The following RYR1 variants were observed in gnomAD, a reference collection of about 807,000 sequenced individuals.
RYR1 encodes central core disease of muscle.
Under a neutral mutation model 583.5 loss-of-function variants are expected in RYR1, and 342 were observed. The observed-to-expected ratio is 0.59, with a 90% CI of 0.54 to 0.64. RYR1 has a LOEUF of 0.64. Among genes scored for constraint, RYR1 ranks in the 30% least tolerant of loss-of-function variants. RYR1 has a pLI of 0.00. For missense variants in RYR1, 6,032 were observed against 6,917.2 expected (o/e 0.87, Z 4.54); for synonymous variants, 2,791 against 2,822.5 (o/e 0.99, Z 0.35).
At chr19:38,482,888 T>G (rs1284707650) in intron 31 of RYR1, 139 bp from the exon 32 acceptor site, 13 of 765,902 alleles carry the variant, frequency 1.7e-5, no homozygotes. Context: ...TGGGACAGTC[T>G]AAGGGTGACC....
At chr19:38,433,997 G>T in intron 1 of RYR1, 123 bp downstream of exon 1, 1 of 834,098 alleles carries the variant, frequency 1.2e-6, no homozygotes. Flanking sequence ...CTCTTCCTAT[G>T]TCACTTTGAG....
chr19:38,483,589 C>T lies in RYR1; in HGVS notation c.4934+73C>T. 3 of 1,340,354 alleles carry T rather than the reference C, an allele frequency of 2.2e-6. No individual in the cohort carries two copies. The highest frequency in any genetic ancestry group is 1.4e-5 in the African/African-American group (1 of 69,264). The allele number at this position is 1,340,354 out of a possible 1,614,324, so 83.0% of individuals were successfully genotyped here. Reference sequence around the variant, plus strand: ...TCTGGGGTCTGGGTCCCACTCAGTGCCCCTCCTCAACACAACCCCGGGATT... The same window carrying T: ...TCTGGGGTCTGGGTCCCACTCAGTGTCCCTCCTCAACACAACCCCGGGATT... On this transcript the variant is annotated intron_variant, in intron 33 of 105. Transcript: ENST00000359596. This position sits in a 1 kb window ranked among gnomAD's most constrained non-coding sequence, Gnocchi z 6.3.
intron 101 of RYR1, among the ~76,000 whole-genome samples, chr19:38,580,714 G>T (rs748765200): frequency 2.6e-5 from 4 of 152,014 alleles, no homozygotes; most frequent in Non-Finnish European, 4.4e-5. Flanking sequence ...AAATTTAAAC[G>T]TTAGCTGGGT....
chr19:38,512,483 C>T lies in RYR1; in HGVS notation c.9472C>T (p.Leu3158=), dbSNP rs770942162. ...AQHQFGDDVI[L]DDVQVSCYRT... ...GCACCAGTTCGGAGATGACGTCATC[C>T]GTAAGGGCGCCTGACCCAAGGGCAG... The change falls in exon 63 of 106, where the codon CTG becomes TTG. Residue 3158 remains leucine, a splice_region_variant and synonymous_variant. Coordinates refer to ENST00000359596, the MANE Select transcript of RYR1 (RefSeq NM_000540.3). The surrounding 1 kb of genome is among the most constrained non-coding windows in gnomAD (Gnocchi z 5.1). 113 of 1,609,520 alleles carry T rather than the reference C, an allele frequency of 7.0e-5. No homozygotes were observed. The highest frequency in any genetic ancestry group is 1.6e-4 in the Middle Eastern group (1 of 6,084).
At position 38,463,529 on chromosome 19, in the gene RYR1, T is replaced by G; in HGVS notation, c.2682+2T>G. The G allele has an allele frequency of 6.2e-7, 1 of 1,610,714 alleles. No individual in the cohort carries two copies. Among genetic ancestry groups the G allele is most frequent in the African/African-American group, 1.3e-5 (1 of 74,792 alleles). On this transcript the variant is annotated splice_donor_variant, in intron 21 of 105. Transcript: ENST00000359596. LOFTEE classifies it high-confidence loss of function. ...GAGCAGGGCTGGACCTACGGCCCGG[T>G]GAGGGGCTGCCTGCAGCCTGCGGGA...
At chr19:38,494,962 C>T (rs189977980) in intron 39 of RYR1, among the ~76,000 whole-genome samples, 27 of 150,914 alleles carry the variant, frequency 1.8e-4, no homozygotes, top group Non-Finnish European at 1.6e-4. Flanking sequence ...AAGCAATTCT[C>T]CTGTCTCAGC....
intron 12 of RYR1, among the ~76,000 whole-genome samples, chr19:38,452,496 C>T (rs1026936333): frequency 6.6e-6 from 1 of 152,038 alleles, no homozygotes; most frequent in African/African-American, 2.4e-5. Context: ...TACACTTGAC[C>T]CCTAATCTGA....
rs1367333710 is a variant in RYR1, at chr19:38,528,372, G to A, written c.10891G>A (p.Ala3631Thr). 1 of 1,614,084 alleles carries A rather than the reference G, an allele frequency of 6.2e-7. No individual in the cohort carries two copies. The highest frequency in any genetic ancestry group is 8.5e-7 in the Non-Finnish European group (1 of 1,180,002). Reference protein sequence around the residue: ...HKLLSKQRRRAVVACFRMTPL... With the variant: ...HKLLSKQRRRTVVACFRMTPL... ...GCTTTTGTCCAAACAGCGCCGGCGG[G>A]CAGTCGTGGCCTGTTTCCGTATGAC... The change falls in exon 74 of 106, where the codon GCA becomes ACA. Residue 3631 changes from alanine (A) to threonine (T), a missense_variant. Physicochemically the swap from Ala to Thr is moderately conservative, Grantham distance 58. Around this residue, in one of 11 missense-constraint regions of RYR1, gnomAD observed 1,493 missense variants for 1,715.5 expected, o/e 0.87. Coordinates refer to ENST00000359596, the MANE Select transcript of RYR1 (RefSeq NM_000540.3).
At position 38,490,281 on chromosome 19, in the gene RYR1, TCTGACCC is replaced by T. The variant is rs746795674; in HGVS notation, c.6015+11_6015+17del. 7 of 1,613,072 alleles carry T rather than the reference TCTGACCC, an allele frequency of 4.3e-6. No homozygotes were observed. In the African/African-American group the frequency reaches 9.3e-5, roughly 22 times the overall value. ...CGCTCCCCACCCCAGGAACAGGTCA[TCTGACCC>T]CTGACGCTGGCCACTTTTACTGTCT... is the stretch of plus-strand genomic sequence containing the variant. On this transcript the variant is annotated splice_donor_region_variant and intron_variant, in intron 36 of 105. Coordinates refer to ENST00000359596, the MANE Select transcript of RYR1 (RefSeq NM_000540.3).
intron 25 of RYR1, among the ~76,000 whole-genome samples, 162 bp from the exon 26 acceptor site, chr19:38,468,804 G>A (rs1026262375): frequency 1.3e-5 from 2 of 152,184 alleles, no homozygotes; most frequent in African/African-American, 2.4e-5. Flanking sequence ...GCAAATGTGA[G>A]GAAAGATGGA....
At chr19:38,567,567 G>C (rs1973503179) in intron 92 of RYR1, among the ~76,000 whole-genome samples, 1 of 152,132 alleles carries the variant, frequency 6.6e-6, no homozygotes, top group Non-Finnish European at 1.5e-5. Flanking sequence ...GGCTGTCACT[G>C]CCTGGTGTCA....
chr19:38,515,221 A>ACACGGCGGCAGCCGCGGTTCCC, intron 64 of RYR1, 114 bp downstream of exon 64: 2 of 858,134 alleles, frequency 2.3e-6, no homozygotes, highest in South Asian at 1.4e-5. Context: ...ATTTTCCCGC[A>ACACGGCGGCAGCCGCGGTTCCC]CACGGCGGCA....
At chr19:38,504,421 G>A in intron 50 of RYR1, 61 bp downstream of exon 50, 1 of 1,588,964 alleles carries the variant, frequency 6.3e-7, no homozygotes, top group Non-Finnish European at 8.6e-7. Flanking sequence ...CAAAATTGGG[G>A]GTCCAGAGTG....
Position 38,567,934 on chromosome 19 carries a change from G to T in RYR1, c.13659+17G>T. 6.2e-7 allele frequency: 1 copy of T among 1,612,628 alleles called. No homozygotes were observed. The highest frequency in any genetic ancestry group is 8.5e-7 in the Non-Finnish European group (1 of 1,179,786). On this transcript the variant is annotated intron_variant, in intron 93 of 105. Transcript: ENST00000359596. ...AAGTTCCTGGTAAGGATCCAGCCAG[G>T]TCACCTGAACCTTCTTCTCCCCGGG... is the stretch of plus-strand genomic sequence containing the variant.
intron 63 of RYR1, among the ~76,000 whole-genome samples, chr19:38,514,303 C>T (rs1267040006): frequency 2.8e-5 from 4 of 140,690 alleles, no homozygotes; most frequent in African/African-American, 1.1e-4. Context: ...TTTTTTGAGA[C>T]AGAGTCTCGG....
chr19:38,460,581 A>G lies in RYR1; in HGVS notation c.2567A>G (p.Asp856Gly). The change falls in exon 20 of 106, where the codon GAC (aspartate) becomes GGC (glycine). Residue 856 changes from aspartate to glycine, a missense_variant. By Grantham distance (94) the Asp-to-Gly change is moderately conservative. Coordinates refer to ENST00000359596, the MANE Select transcript of RYR1 (RefSeq NM_000540.3). ...ACCGACTTCGTGCCCTGCCCTGTGG[A>G]CACTGTCCAGGTACTGCCTGCCCTG... Reference protein sequence around the residue: ...SHTDFVPCPVDTVQIVLPPHL... With the variant: ...SHTDFVPCPVGTVQIVLPPHL... The G allele has an allele frequency of 6.2e-7, 1 of 1,611,868 alleles. No homozygotes were observed. The highest frequency in any genetic ancestry group is 1.1e-5 in the South Asian group (1 of 91,078).
chr19:38,486,006 C>G lies in RYR1; in HGVS notation c.5351C>G (p.Ala1784Gly). ...CATTTCTCGCCCCCCTGTTTCGTGG[C>G]CGCTCTGCCAGCTGCTGGGGCAGCA... The part of the protein sequence containing the change: ...PHHFSPPCFV[A>G]ALPAAGAAEA... The change falls in exon 34 of 106, where the codon GCC becomes GGC. Residue 1784 changes from alanine to glycine, a missense_variant. By Grantham distance (60) the Ala-to-Gly change is moderately conservative (BLOSUM62 0). Coordinates refer to ENST00000359596, the MANE Select transcript of RYR1 (RefSeq NM_000540.3). 2 of 1,613,520 alleles carry G rather than the reference C, an allele frequency of 1.2e-6. No homozygotes were observed. Among genetic ancestry groups the G allele is most frequent in the Non-Finnish European group, 1.7e-6 (2 of 1,179,924 alleles).
chr19:38,441,263 G>A (rs1332945007), intron 2 of RYR1, among the ~76,000 whole-genome samples: 5 of 148,834 alleles, frequency 3.4e-5, no homozygotes, highest in African/African-American at 9.9e-5. Context: ...CGGCTGGGGC[G>A]TGGGGAGGGG....
rs781002591 is a variant in RYR1, at chr19:38,448,520, G to A, written c.957+9G>A. The A allele has an allele frequency of 2.5e-6, 4 of 1,612,250 alleles. No homozygotes were observed. The highest frequency in any genetic ancestry group is 2.2e-5 in the South Asian group (2 of 91,082). ...GCTTCCGCATCTCCAAGGTCAGTGGGGTTTGTGGCGCCCTCCCTCACCTGA... is the reference window on the plus strand; with the variant it reads ...GCTTCCGCATCTCCAAGGTCAGTGGAGTTTGTGGCGCCCTCCCTCACCTGA... On this transcript the variant is annotated intron_variant, in intron 10 of 105. Coordinates refer to ENST00000359596, the MANE Select transcript of RYR1 (RefSeq NM_000540.3).
Sources: gnomAD v4.1 joint callset for allele counts (sites outside exome capture counted in the v4.1 genomes callset) on GRCh38, gnomAD v4.1.1 for gene constraint, gnomAD v4.1.1 regional missense constraint, Gnocchi (gnomAD v3.1) non-coding constraint, MANE v1.5 for transcripts, NCBI Gene and HGNC (gene_info 2026-07-23, HGNC 2026-07-21) for gene names.